CDH1: variants seen among roughly 807,000 people sequenced by gnomAD.
The protein encoded by CDH1 is cadherin-1.
Under a neutral mutation model 84.5 loss-of-function variants are expected in CDH1, and 35 were observed. The ratio of observed to expected loss-of-function variants is 0.41; its 90% CI spans 0.32 to 0.55. The LOEUF (loss-of-function observed/expected upper bound fraction) is 0.55, where lower values mean the gene tolerates loss of function less well. Among genes scored for constraint, CDH1 ranks in the 20% least tolerant of loss-of-function variants. The pLI, the probability that CDH1 is intolerant of heterozygous loss-of-function variation, is 0.19. For missense variants in CDH1, 994 were observed against 1,126.6 expected (o/e 0.88, Z 1.68); for synonymous variants, 417 against 439.0 (o/e 0.95, Z 0.63).
rs1373830274 is a variant in CDH1 at position 68,745,552 on chromosome 16, A to ATATATATATG, written c.163+7150_163+7151insGTATATATAT. Among the ~76,000 whole-genome samples, 186 of 32,110 alleles carry ATATATATATG rather than the reference A, an allele frequency of 5.8e-3. 1 individual carries two copies. The highest frequency in any genetic ancestry group is 0.015 in the East Asian group (19 of 1,276). 21.1% of individuals were successfully genotyped at this position (32,110 alleles called of 152,430 possible). A position where few individuals can be genotyped will look rare whatever the true frequency, so the allele number is the denominator to read the frequency against. ...CTGTCTCAAAAAAAAAAAAAAAAAT[A>ATATATATATG]TATATATATATGTATATATATATGT... On this transcript the variant is annotated intron_variant, in intron 2 of 15. Coordinates refer to ENST00000261769, the MANE Select transcript of CDH1 (RefSeq NM_004360.5).
chr16:68,819,001 G>A (rs1006981884), intron 10 of CDH1, among the ~76,000 whole-genome samples: 5 of 151,978 alleles, frequency 3.3e-5, no homozygotes, highest in South Asian at 4.2e-4. Flanking sequence ...GATTACAGGC[G>A]TGTGCCACCA....
intron 12 of CDH1, chr16:68,822,458 C>T: frequency 1.7e-6 from 1 of 591,286 alleles, no homozygotes. Flanking sequence ...AGGGCTCCCT[C>T]TCCCAGCCTC....
chr16:68,758,077 G>A (rs1434324925), intron 2 of CDH1, among the ~76,000 whole-genome samples: 1 of 149,490 alleles, frequency 6.7e-6, no homozygotes, highest in African/African-American at 2.5e-5. Flanking sequence ...GCCTCCCAAA[G>A]TGCTGGGATT....
intron 13 of CDH1, 53 bp from the exon 14 acceptor site, chr16:68,828,121 G>T (rs1222375307): frequency 6.2e-7 from 1 of 1,608,428 alleles, no homozygotes; most frequent in Non-Finnish European, 8.5e-7. Flanking sequence ...GCTGCTTCTG[G>T]CCTTCTTTAT....
At chr16:68,827,505 A>G (rs1161847997) in intron 13 of CDH1, among the ~76,000 whole-genome samples, 1 of 151,966 alleles carries the variant, frequency 6.6e-6, no homozygotes, top group African/African-American at 2.4e-5. Flanking sequence ...ATCAAATGTA[A>G]CCCTTGTGTT....
intron 10 of CDH1, 24 bp downstream of exon 10, chr16:68,815,783 G>A (rs2152135188): frequency 6.2e-7 from 1 of 1,613,654 alleles, no homozygotes; most frequent in Middle Eastern, 1.7e-4. Context: ...TTTTTCAACT[G>A]ACTTGCAGCA....
intron 2 of CDH1, among the ~76,000 whole-genome samples, chr16:68,793,488 A>T (rs188151036): frequency 2.3e-3 from 350 of 152,354 alleles, no homozygotes; most frequent in African/African-American, 8.0e-3. Flanking sequence ...CAGTACTAAC[A>T]GACAGGCTGC....
In CDH1 at chr16:68,779,256, C is replaced by T. The variant is rs1361709897; in HGVS notation, c.164-22414C>T. On this transcript the variant is annotated intron_variant, in intron 2 of 15. Transcript: ENST00000261769. ...GAAAACTGCTCCCATCTGTAAGCTGCCACCCTCCTTTGGTGACTTTGCCTC... is the reference window on the plus strand; with the variant it reads ...GAAAACTGCTCCCATCTGTAAGCTGTCACCCTCCTTTGGTGACTTTGCCTC... 2.6e-5 allele frequency among the ~76,000 whole-genome samples: 4 copies of T among 152,204 alleles called. No homozygotes were observed. In the East Asian group the frequency reaches 5.8e-4, roughly 22 times the overall value.
chr16:68,752,501 C>T (rs935357765), intron 2 of CDH1, among the ~76,000 whole-genome samples: 17 of 152,126 alleles, frequency 1.1e-4, no homozygotes, highest in Middle Eastern at 3.4e-3. Flanking sequence ...AGTAAGTATC[C>T]GAAGGAATGA....
intron 13 of CDH1, 25 bp downstream of exon 13, chr16:68,823,651 A>G (rs534006250): frequency 2.0e-6 from 3 of 1,489,444 alleles, no homozygotes; most frequent in Middle Eastern, 1.7e-4. Context: ...CAAGTGACTC[A>G]GCCTTTGACT....
chr16:68,818,867 A>G (rs113195700), intron 10 of CDH1, among the ~76,000 whole-genome samples: 4,790 of 146,946 alleles, frequency 0.033, 251 homozygotes, highest in Middle Eastern at 0.1. Flanking sequence ...AAAAAAAAAA[A>G]AAAGAAAGAA....
At chr16:68,818,966 C>A (rs1013242470) in intron 10 of CDH1, among the ~76,000 whole-genome samples, 1 of 152,070 alleles carries the variant, frequency 6.6e-6, no homozygotes, top group African/African-American at 2.4e-5. Flanking sequence ...AACGATTCTC[C>A]TGCCTCACCC....
At chr16:68,753,640 C>T (rs965454808) in intron 2 of CDH1, among the ~76,000 whole-genome samples, 7 of 152,146 alleles carry the variant, frequency 4.6e-5, no homozygotes, top group Non-Finnish European at 8.8e-5. Flanking sequence ...CCCGGCACAT[C>T]TTACAAATCT....
At chr16:68,798,136 GCTT>G (rs1960412216) in intron 2 of CDH1, among the ~76,000 whole-genome samples, 2 of 152,000 alleles carry the variant, frequency 1.3e-5, no homozygotes, top group Admixed American at 6.6e-5. Context: ...TGGGGTCTTA[GCTT>G]CTTTTGTTGG....
chr16:68,747,290 C>G (rs1418389512), intron 2 of CDH1, among the ~76,000 whole-genome samples: 1 of 152,106 alleles, frequency 6.6e-6, no homozygotes, highest in Non-Finnish European at 1.5e-5. Flanking sequence ...AAGGCTGGAG[C>G]TGTGCCTTCC....
chr16:68,797,945 G>A (rs1567499500), intron 2 of CDH1, among the ~76,000 whole-genome samples: 3 of 152,046 alleles, frequency 2.0e-5, no homozygotes, highest in South Asian at 4.2e-4. Flanking sequence ...TGGGCGTGGT[G>A]GTGTGCACCT....
At chr16:68,813,751 A>G (rs1960910331) in intron 9 of CDH1, among the ~76,000 whole-genome samples, 1 of 152,004 alleles carries the variant, frequency 6.6e-6, no homozygotes, top group African/African-American at 2.4e-5. Flanking sequence ...TCACGAGGTC[A>G]GGAGTTTGAG....
intron 2 of CDH1, among the ~76,000 whole-genome samples, chr16:68,750,368 T>C (rs961239373): frequency 6.6e-6 from 1 of 151,536 alleles, no homozygotes; most frequent in African/African-American, 2.4e-5. Flanking sequence ...GAAACTCTTG[T>C]TCCAAATGAG....
intron 2 of CDH1, among the ~76,000 whole-genome samples, chr16:68,770,166 G>A (rs568804366): frequency 6.6e-6 from 1 of 152,120 alleles, no homozygotes; most frequent in East Asian, 1.9e-4. Flanking sequence ...GGCTTTTGGG[G>A]CCACCTGGCC....
Sources: allele counts gnomAD v4.1 joint callset (sites outside exome capture counted in the v4.1 genomes callset), GRCh38; gene constraint gnomAD v4.1.1; transcripts MANE v1.5; gene names NCBI Gene and HGNC (gene_info 2026-07-23, HGNC 2026-07-21).